TCHP: variants seen among roughly 807,000 people sequenced by gnomAD.
TCHP encodes the protein trichoplein keratin filament-binding protein.
TCHP carries 81 observed loss-of-function variants against 88.7 expected under a neutral mutation model. The ratio of observed to expected loss-of-function variants is 0.91; its 90% CI spans 0.76 to 1.10. The LOEUF (loss-of-function observed/expected upper bound fraction) is 1.10. TCHP is among the 50% of genes least tolerant of loss of function. TCHP has a pLI of 0.00. For missense variants in TCHP, 641 were observed against 632.1 expected (o/e 1.01, Z -0.15); for synonymous variants, 232 against 232.5 (o/e 1.00, Z 0.02).
chr12:109,904,818 TTTATC>T, intron 4 of TCHP, 25 bp downstream of exon 4: 1 of 1,597,480 alleles, frequency 6.3e-7, no homozygotes, highest in Non-Finnish European at 8.5e-7. Context: ...TCTCCATTGA[TTTATC>T]TAAGTAGATG....
At chr12:109,901,389 G>C (rs1869784405) in intron 1 of TCHP, among the ~76,000 whole-genome samples, 1 of 134,732 alleles carries the variant, frequency 7.4e-6, no homozygotes, top group Non-Finnish European at 1.5e-5. Flanking sequence ...ACATGAATTA[G>C]CTCTCCCTTA....
At chr12:109,884,550 C>T in the TCHP span, among the ~76,000 whole-genome samples, 52 of 152,256 alleles carry the variant, frequency 3.4e-4, no homozygotes, top group Non-Finnish European at 6.5e-4. Context: ...GGCTCTTCAC[C>T]TGACTACTCA....
chr12:109,904,665 C>T, intron 3 of TCHP, 72 bp from the exon 4 acceptor site: 1 of 1,450,546 alleles, frequency 6.9e-7, no homozygotes, highest in Non-Finnish European at 9.6e-7. Context: ...CTGACTTCCA[C>T]TGTGTGTCAT....
chr12:109,881,442 C>A, the TCHP span, among the ~76,000 whole-genome samples: 1 of 152,234 alleles, frequency 6.6e-6, no homozygotes, highest in African/African-American at 2.4e-5. Context: ...GACTTCACTT[C>A]ATTCTCTTCA....
At chr12:109,909,769 A>G (rs1260661766) in intron 8 of TCHP, among the ~76,000 whole-genome samples, 3 of 152,188 alleles carry the variant, frequency 2.0e-5, no homozygotes, top group African/African-American at 4.8e-5. Flanking sequence ...GTTTGAGACC[A>G]GCCTGGCCAA....
At chr12:109,895,870 C>T (rs1233005173), upstream of TCHP, among the ~76,000 whole-genome samples, 1 of 152,188 alleles carries the variant, frequency 6.6e-6, no homozygotes, top group Non-Finnish European at 1.5e-5. Context: ...GGCTTTCCCT[C>T]TCAGCCCCCT....
At position 109,917,721 on chromosome 12, in the gene TCHP, TTA is replaced by T. The variant is rs1870893194; in HGVS notation, c.*1100_*1101del. 2 of 152,632 alleles carry T rather than the reference TTA, an allele frequency of 1.3e-5. No homozygotes were observed. Among genetic ancestry groups the T allele is most frequent in the South Asian group, 4.1e-4 (2 of 4,832 alleles). 9.5% of individuals were successfully genotyped at this position (152,632 alleles called of 1,614,324 possible). On this transcript the variant is annotated 3_prime_UTR_variant, in exon 13 of 13. Coordinates refer to ENST00000405876, the MANE Select transcript of TCHP (RefSeq NM_001143852.2). Reference sequence around the variant, plus strand: ...AGTTCCTTGCAGCAATAATATTATTTTATGACTTGTATTTTTACTATACCCTT... The same window carrying T: ...AGTTCCTTGCAGCAATAATATTATTTTGACTTGTATTTTTACTATACCCTT...
Position 109,904,111 on chromosome 12 carries a change from G to T in TCHP, c.363G>T (p.Gly121=). The T allele has an allele frequency of 6.3e-7, 1 of 1,586,034 alleles. No individual in the cohort carries two copies. The highest frequency in any genetic ancestry group is 8.6e-7 in the Non-Finnish European group (1 of 1,165,864). Residue 121 remains glycine (G), a synonymous_variant, in exon 3 of 13, where the codon GGG becomes GGT. Transcript: ENST00000405876. ...AAAGAAGAATCCGGGAGCAGCACGGGAAGCTGAAATCAGCCAAAGAAGAGC... is the reference window on the plus strand; with the variant it reads ...AAAGAAGAATCCGGGAGCAGCACGGTAAGCTGAAATCAGCCAAAGAAGAGC... The part of the protein sequence containing the change: ...LQERRIREQH[G]KLKSAKEEQR...
upstream of TCHP, among the ~76,000 whole-genome samples, chr12:109,898,785 A>G (rs1290824208): frequency 6.6e-6 from 1 of 152,128 alleles, no homozygotes; most frequent in Admixed American, 6.5e-5. Context: ...GCACCACCAC[A>G]GCCTGCTAAT....
At position 109,911,108 on chromosome 12, in the gene TCHP, G is replaced by C. The variant is rs538057194; in HGVS notation, c.925G>C (p.Glu309Gln). ...ILQALLEKED[E>Q]SQRLHLARRE... ...GCAGGCCCTCCTCGAGAAGGAGGAC[G>C]AGAGCCAGCGCCTCCACCTGGCCAG... The change falls in exon 9 of 13, where the codon GAG (glutamate) becomes CAG (glutamine). Residue 309 changes from glutamate to glutamine, a missense_variant. Physicochemically the swap from Glu to Gln is conservative, Grantham distance 29. Transcript: ENST00000405876. 1.3e-6 allele frequency: 2 copies of C among 1,596,366 alleles called. No homozygotes were observed. The highest frequency in any genetic ancestry group is 4.5e-5 in the East Asian group (2 of 44,032).
chr12:109,908,807 T>A, intron 7 of TCHP, 64 bp from the exon 8 acceptor site: 1 of 1,592,912 alleles, frequency 6.3e-7, no homozygotes, highest in South Asian at 1.1e-5. Flanking sequence ...GGTCAGCAGT[T>A]ATCTAACTTC....
the TCHP span, among the ~76,000 whole-genome samples, chr12:109,894,627 T>C: frequency 6.6e-6 from 1 of 151,018 alleles, no homozygotes; most frequent in Admixed American, 6.6e-5. Flanking sequence ...TAGTTGGGCG[T>C]AGTGGCGCAT....
upstream of TCHP, chr12:109,900,136 C>G (rs1470749111): frequency 6.6e-6 from 1 of 152,272 alleles, no homozygotes; most frequent in African/African-American, 2.4e-5. Context: ...AGTGCATGGA[C>G]GGATTCTTTG....
chr12:109,900,214 C>T (rs564545182), upstream of TCHP: 2 of 152,398 alleles, frequency 1.3e-5, no homozygotes, highest in South Asian at 4.1e-4. Flanking sequence ...CACGACGGGG[C>T]ACCAGAGAAA....
the TCHP span, among the ~76,000 whole-genome samples, chr12:109,885,044 C>G: frequency 6.6e-6 from 1 of 152,364 alleles, no homozygotes; most frequent in South Asian, 2.1e-4. Context: ...TCTTGGCTCA[C>G]TGCAACCTCC....
At chr12:109,913,819 G>T (rs1249087542) in intron 10 of TCHP, among the ~76,000 whole-genome samples, 2 of 152,218 alleles carry the variant, frequency 1.3e-5, no homozygotes, top group Non-Finnish European at 2.9e-5. Flanking sequence ...TTTTGCTCTT[G>T]TAAATACCAA....
intron 9 of TCHP, among the ~76,000 whole-genome samples, chr12:109,912,502 C>A (rs1870564000): frequency 6.6e-6 from 1 of 152,122 alleles, no homozygotes. Context: ...TAAAATACTT[C>A]CAACAGGGCC....
upstream of TCHP, among the ~76,000 whole-genome samples, chr12:109,897,886 G>A (rs949606949): frequency 2.0e-5 from 3 of 152,126 alleles, no homozygotes; most frequent in Admixed American, 6.5e-5. Flanking sequence ...AGTTCCTGTC[G>A]ACAGACATTT....
intron 8 of TCHP, among the ~76,000 whole-genome samples, chr12:109,910,102 G>GCA (rs1870400225): frequency 6.6e-6 from 1 of 152,154 alleles, no homozygotes; most frequent in Non-Finnish European, 1.5e-5. Context: ...TTGCACCACT[G>GCA]CACTCAAGCC....
Sources: gnomAD v4.1 joint callset for allele counts (sites outside exome capture counted in the v4.1 genomes callset) on GRCh38, gnomAD v4.1.1 for gene constraint, MANE v1.5 for transcripts, NCBI Gene and HGNC (gene_info 2026-07-23, HGNC 2026-07-21) for gene names.